Variants in AATF observed in about 807,000 individuals in gnomAD.
The protein encoded by AATF is protein AATF.
In AATF, 48 loss-of-function variants were observed where a neutral mutation model predicts 63.7. The ratio of observed to expected loss-of-function variants is 0.75; its 90% CI spans 0.60 to 0.96. The LOEUF (loss-of-function observed/expected upper bound fraction) is 0.96, where lower values mean the gene tolerates loss of function less well. AATF is among the 40% of genes least tolerant of loss of function. The pLI, the probability that AATF is intolerant of heterozygous loss-of-function variation, is 0.00. For synonymous variants in AATF, 258 were observed against 247.7 expected, an observed-to-expected ratio of 1.04 and a Z score of -0.39; for missense variants, 639 against 685.7, an observed-to-expected ratio of 0.93 and a Z score of 0.76.
At chr17:36,991,464 A>G (rs1041848831) in intron 8 of AATF, among the ~76,000 whole-genome samples, 2 of 151,816 alleles carry the variant, frequency 1.3e-5, no homozygotes, top group Non-Finnish European at 2.9e-5. Context: ...CCCTGACATT[A>G]CTCTCTGCTG....
intron 8 of AATF, among the ~76,000 whole-genome samples, chr17:36,996,771 T>G (rs566357343): frequency 6.6e-6 from 1 of 152,190 alleles, no homozygotes; most frequent in African/African-American, 2.4e-5. Flanking sequence ...AAAAGCCACA[T>G]TTTTAAATGC....
At chr17:36,960,685 A>G (rs1486114118) in intron 4 of AATF, among the ~76,000 whole-genome samples, 1 of 152,200 alleles carries the variant, frequency 6.6e-6, no homozygotes, top group Non-Finnish European at 1.5e-5. Flanking sequence ...AATGTTCTGT[A>G]GAACCTTGAA....
intron 5 of AATF, among the ~76,000 whole-genome samples, chr17:36,987,433 A>T (rs2071177931): frequency 6.6e-6 from 1 of 152,258 alleles, no homozygotes; most frequent in East Asian, 1.9e-4. Context: ...TTCAGAAAAC[A>T]GCAAAATAAT....
intron 8 of AATF, among the ~76,000 whole-genome samples, chr17:37,016,989 A>C (rs539850692): frequency 1.6e-4 from 24 of 152,380 alleles, no homozygotes; most frequent in African/African-American, 5.0e-4. Flanking sequence ...GCGAAAATGC[A>C]GCTCAGAATA....
chr17:36,964,190 T>TA (rs1305947771), intron 4 of AATF, among the ~76,000 whole-genome samples: 1 of 141,050 alleles, frequency 7.1e-6, no homozygotes, highest in Non-Finnish European at 1.5e-5. Context: ...TTTTTTTTTT[T>TA]AAGGTGAAGT....
At chr17:36,968,270 CTTTTTTTTTTT>C (rs3049638) in intron 4 of AATF, among the ~76,000 whole-genome samples, 3 of 23,760 alleles carry the variant, frequency 1.3e-4, no homozygotes, top group African/African-American at 1.6e-4. Flanking sequence ...TTCCTTCTTT[CTTTTTTTTTTT>C]TTTTTTTTTT....
chr17:36,983,801 T>TCTTA (rs2071146182), intron 4 of AATF, among the ~76,000 whole-genome samples: 1 of 152,242 alleles, frequency 6.6e-6, no homozygotes, highest in Non-Finnish European at 1.5e-5. Context: ...TTAGAAATGA[T>TCTTA]GTAATCAAAG....
intron 4 of AATF, 109 bp from the exon 5 acceptor site, chr17:36,986,508 C>T: frequency 3.7e-6 from 3 of 809,904 alleles, no homozygotes; most frequent in Non-Finnish European, 6.4e-6. Context: ...CTGTGCCTCC[C>T]CTTCACTCCC....
At chr17:36,990,708 A>G in intron 7 of AATF, 66 bp from the exon 8 acceptor site, 1 of 942,098 alleles carries the variant, frequency 1.1e-6, no homozygotes, top group Non-Finnish European at 1.6e-6. Flanking sequence ...CATATTATTT[A>G]TAGTAGCTAC....
intron 4 of AATF, among the ~76,000 whole-genome samples, chr17:36,959,933 A>G (rs2070932844): frequency 6.6e-6 from 1 of 152,158 alleles, no homozygotes; most frequent in African/African-American, 2.4e-5. Flanking sequence ...GCACCCTGTT[A>G]TCTTCCCATT....
At chr17:37,037,795 G>A (rs555103626) in intron 11 of AATF, among the ~76,000 whole-genome samples, 1 of 152,308 alleles carries the variant, frequency 6.6e-6, no homozygotes, top group East Asian at 1.9e-4. Flanking sequence ...GGAGGTGATT[G>A]GATCATGGGG....
At chr17:37,047,191 C>T (rs1200176576) in intron 11 of AATF, among the ~76,000 whole-genome samples, 23 of 152,200 alleles carry the variant, frequency 1.5e-4, no homozygotes, top group Admixed American at 1.5e-3. Context: ...ATAAAACAGT[C>T]AAACTGTGAA....
chr17:37,002,201 CAAAAAAAAA>C (rs34123922), intron 8 of AATF, among the ~76,000 whole-genome samples: 1 of 76,442 alleles, frequency 1.3e-5, no homozygotes, highest in East Asian at 4.2e-4. Context: ...GACTCCGTCT[CAAAAAAAAA>C]AAAAAAAAAA....
chr17:37,036,864 A>T (rs1360975060), intron 11 of AATF, among the ~76,000 whole-genome samples: 1 of 152,154 alleles, frequency 6.6e-6, no homozygotes, highest in East Asian at 1.9e-4. Context: ...GAAAGAAAAC[A>T]AAAGAAAGCC....
chr17:36,950,369 G>A lies in AATF; in HGVS notation c.247G>A (p.Glu83Lys). The change falls in exon 2 of 12, where the codon GAA (glutamate) becomes AAA (lysine). Residue 83 changes from glutamate to lysine, a missense_variant. Physicochemically the swap from Glu to Lys is moderately conservative, Grantham distance 56. Coordinates refer to ENST00000619387, the MANE Select transcript of AATF (RefSeq NM_012138.4). ...GKTTSRKAWN[E>K]DHWEQTLPGS... ...AACCACCTCTAGAAAAGCATGGAATGAAGACCATTGGGAGCAGACTCTGCC... is the reference window on the plus strand; with the variant it reads ...AACCACCTCTAGAAAAGCATGGAATAAAGACCATTGGGAGCAGACTCTGCC... 6.2e-7 allele frequency: 1 copy of A among 1,614,202 alleles called. No individual in the cohort carries two copies.
chr17:37,007,989 AC>A (rs1277186580), intron 8 of AATF, among the ~76,000 whole-genome samples: 2 of 152,088 alleles, frequency 1.3e-5, no homozygotes, highest in East Asian at 3.9e-4. Context: ...TGTATGACTT[AC>A]CATTTTTGCG....
intron 4 of AATF, among the ~76,000 whole-genome samples, chr17:36,975,297 G>A (rs148049968): frequency 5.9e-5 from 9 of 151,512 alleles, no homozygotes; most frequent in East Asian, 3.9e-4. Flanking sequence ...TTTTTGAAGC[G>A]TTTTAAAGTA....
At chr17:36,986,538 G>A (rs1277290837) in intron 4 of AATF, 79 bp from the exon 5 acceptor site, 33 of 1,144,934 alleles carry the variant, frequency 2.9e-5, no homozygotes, top group Non-Finnish European at 4.1e-5. Flanking sequence ...AACTGCTCAG[G>A]AGTCATGAGT....
intron 11 of AATF, among the ~76,000 whole-genome samples, chr17:37,046,555 T>A (rs1335744424): frequency 6.6e-6 from 1 of 152,156 alleles, no homozygotes; most frequent in Non-Finnish European, 1.5e-5. Flanking sequence ...TACTAGTTAC[T>A]TCTTGTGCGT....
Sources: allele counts gnomAD v4.1 joint callset (sites outside exome capture counted in the v4.1 genomes callset), GRCh38; gene constraint gnomAD v4.1.1; transcripts MANE v1.5; gene names NCBI Gene and HGNC (gene_info 2026-07-23, HGNC 2026-07-21).